The following DPP7 variants were observed in gnomAD, a reference collection of about 807,000 sequenced individuals.
DPP7 encodes dipeptidyl peptidase 2.
A neutral mutation model predicts 58.8 loss-of-function variants in DPP7; 74 were observed. The observed-to-expected ratio is 1.26, with a 90% confidence interval of 1.04 to 1.53. The LOEUF is 1.53. Among genes scored for constraint, DPP7 ranks in the 40% most tolerant of loss-of-function variants. The pLI is 0.00. For missense variants in DPP7, 807 were observed against 692.3 expected, an observed-to-expected ratio of 1.17 and a Z score of -1.86; for synonymous variants, 350 against 303.6, an observed-to-expected ratio of 1.15 and a Z score of -1.59.
chr9:137,114,624 G>T, intron 1 of DPP7, 23 bp downstream of exon 1: 1 of 1,403,006 alleles, frequency 7.1e-7, no homozygotes, highest in South Asian at 1.6e-5. Context: ...CCGGGGAATG[G>T]GCCGGGGGGC....
rs537713527 is a variant in DPP7, at chr9:137,114,267, C to T, written c.297G>A (p.Gly99=). Residue 99 remains glycine, a synonymous_variant, in exon 3 of 13, where the codon GGG becomes GGA. Coordinates refer to ENST00000371579, the MANE Select transcript of DPP7 (RefSeq NM_013379.3). ...CGTGCTCCGCGAAGACCAGTAGAGC[C>T]CCCCGCTCGGCCGCCAGCTCCGCGA... ...AFVAELAAER[G]ALLVFAEHRY... is the part of the protein sequence containing the mutation. The T allele has an allele frequency of 5.6e-6, 9 of 1,600,314 alleles. No individual in the cohort carries two copies. In the East Asian group the frequency reaches 1.6e-4, roughly 28 times the overall value.
At position 137,113,037 on chromosome 9, in the gene DPP7, G is replaced by A; in HGVS notation, c.786C>T (p.Ala262=). 1 of 1,613,846 alleles carries A rather than the reference G, an allele frequency of 6.2e-7. No homozygotes were observed. Among genetic ancestry groups the A allele is most frequent in the East Asian group, 2.2e-5 (1 of 44,882 alleles). The change falls in exon 7 of 13, where the codon GCC becomes GCT. Residue 262 remains alanine (A), a synonymous_variant. Transcript: ENST00000371579. ...EKDLTQLFMF[A]RNAFTVLAMM... is the part of the protein sequence containing the mutation. Reference sequence around the variant, plus strand: ...TGGCCAGCACGGTGAAGGCATTCCGGGCGAACATGAAGAGCTGGGTCAGGT... The same window carrying A: ...TGGCCAGCACGGTGAAGGCATTCCGAGCGAACATGAAGAGCTGGGTCAGGT...
Position 137,114,265 on chromosome 9 carries a change from GC to G in DPP7, c.298del (p.Ala100LeufsTer30), listed in dbSNP as rs771882318. The G allele has an allele frequency of 1.3e-6, 2 of 1,599,188 alleles. No homozygotes were observed. The highest frequency in any genetic ancestry group is 1.7e-6 in the Non-Finnish European group (2 of 1,174,374). ...CACGTGCTCCGCGAAGACCAGTAGA[GC>G]CCCCCGCTCGGCCGCCAGCTCCGCG... ...FVAELAAERGALLVFAEHRYY... is the reference protein window; with the variant it reads ...FVAELAAERGXLLVFAEHRYY... On this transcript the variant is annotated frameshift_variant, in exon 3 of 13. Transcript: ENST00000371579. LOFTEE classifies it high-confidence loss of function.
chr9:137,112,849 C>T (rs755747267), intron 7 of DPP7, 44 bp from the exon 8 acceptor site: 1 of 1,603,050 alleles, frequency 6.2e-7, no homozygotes, highest in Non-Finnish European at 8.5e-7. Context: ...TCCCCTCCAC[C>T]AGCTCCGCCT....
At position 137,110,613 on chromosome 9, in the gene DPP7, C is replaced by T. The variant is rs370553153; in HGVS notation, c.*35G>A. On this transcript the variant is annotated 3_prime_UTR_variant, in exon 13 of 13. Transcript: ENST00000371579. ...CAGCTGCTTGAGTGAAGCCCCCACT[C>T]CATGAGGAGCCTTGAGACCCCTCCA... The T allele has an allele frequency of 2.1e-4, 338 of 1,597,084 alleles. 1 individual carries two copies. The highest frequency in any genetic ancestry group is 2.7e-4 in the Non-Finnish European group (318 of 1,172,446).
chr9:137,118,240 A>G (rs1159157131), upstream of DPP7, among the ~76,000 whole-genome samples: 2 of 151,014 alleles, frequency 1.3e-5, no homozygotes, highest in Non-Finnish European at 2.9e-5. Flanking sequence ...TGTCAGCCTC[A>G]GCCTCCCAAA....
chr9:137,114,374 A>G lies in DPP7; in HGVS notation c.190T>C (p.Trp64Arg). The G allele has an allele frequency of 6.2e-7, 1 of 1,603,350 alleles. No homozygotes were observed. ...AAGATGGGCCCCTCGCCCCGGACCC[A>G]GAACCTGTCTGTGGGGAGGGCGGAT... Reference protein sequence around the residue: ...PQRFLVSDRFWVRGEGPIFFY... With the variant: ...PQRFLVSDRFRVRGEGPIFFY... Residue 64 changes from tryptophan (W) to arginine (R), a missense_variant, in exon 3 of 13, where the codon TGG becomes CGG. Coordinates refer to ENST00000371579, the MANE Select transcript of DPP7 (RefSeq NM_013379.3).
In DPP7 at chr9:137,113,761, C is replaced by A; in HGVS notation, c.485+104G>T. 1 of 1,379,140 alleles carries A rather than the reference C, an allele frequency of 7.3e-7. No homozygotes were observed. The highest frequency in any genetic ancestry group is 9.4e-7 in the Non-Finnish European group (1 of 1,064,096). 85.4% of individuals were successfully genotyped at this position (1,379,140 alleles called of 1,614,324 possible). On this transcript the variant is annotated intron_variant, in intron 4 of 12. Coordinates refer to ENST00000371579, the MANE Select transcript of DPP7 (RefSeq NM_013379.3). ...CCTGGAACCACTGCCTGAGGCCTTA[C>A]GAAAAGGCAGCGGTGGGAGTCAGAG...
intron 7 of DPP7, 55 bp downstream of exon 7, chr9:137,112,898 A>G (rs903870431): frequency 1.1e-5 from 17 of 1,607,686 alleles, no homozygotes; most frequent in Middle Eastern, 3.3e-4. Flanking sequence ...GCTGACCACC[A>G]GCCTCGGGAC....
In DPP7 at chr9:137,113,507, GAC is replaced by G; in HGVS notation, c.486-13_486-12del. 1 of 1,547,924 alleles carries G rather than the reference GAC, an allele frequency of 6.5e-7. No homozygotes were observed. Among genetic ancestry groups the G allele is most frequent in the Non-Finnish European group, 8.7e-7 (1 of 1,146,320 alleles). On this transcript the variant is annotated splice_polypyrimidine_tract_variant and intron_variant, in intron 4 of 12. Transcript: ENST00000371579. ...AGCATCCCCCCATAACTGGGTGAGG[GAC>G]ACAGGGTTAGGGCTGCTGCCCCCAA...
chr9:137,116,486 T>C (rs546501922), upstream of DPP7, among the ~76,000 whole-genome samples: 11 of 152,392 alleles, frequency 7.2e-5, no homozygotes, highest in East Asian at 3.9e-4. Context: ...GCAGGCAGTA[T>C]GCTTGGTAAA....
chr9:137,114,926 C>G (rs950295393), upstream of DPP7: 3 of 341,998 alleles, frequency 8.8e-6, no homozygotes, highest in East Asian at 1.3e-4. Context: ...AAGCAGAGGG[C>G]CCCCGGGCCA....
rs1167039477 is a variant in DPP7 at position 137,114,502 on chromosome 9, A to C, written c.142T>G (p.Phe48Val). Residue 48 changes from phenylalanine to valine, a missense_variant, in exon 2 of 13, where the codon TTC (phenylalanine) becomes GTC (valine). Physicochemically the swap from Phe to Val is conservative, Grantham distance 50. This residue lies in a region of DPP7 where 168 missense variants were observed against 124.1 expected (regional missense o/e 1.35). Coordinates refer to ENST00000371579, the MANE Select transcript of DPP7 (RefSeq NM_013379.3). ...QRLDHFNFER[F>V]GNKTFPQRFL... ...CGCTGAGGGAAGGTCTTGTTGCCGA[A>C]GCGCTCGAAGTTGAAGTGGTCCAGA... The C allele has an allele frequency of 1.3e-6, 2 of 1,584,688 alleles. No individual in the cohort carries two copies. The highest frequency in any genetic ancestry group is 1.7e-6 in the Non-Finnish European group (2 of 1,166,352).
intron 4 of DPP7, 147 bp from the exon 5 acceptor site, chr9:137,113,643 A>G: frequency 1.4e-6 from 2 of 1,428,554 alleles, no homozygotes; most frequent in Non-Finnish European, 1.8e-6. Flanking sequence ...TGCAGCTCTC[A>G]CTGGGAAAGG....
chr9:137,115,885 G>T (rs1268714956), upstream of DPP7, among the ~76,000 whole-genome samples: 2 of 152,158 alleles, frequency 1.3e-5, no homozygotes, highest in African/African-American at 4.8e-5. Flanking sequence ...CGCAGGACGG[G>T]GGTGAGGACA....
chr9:137,112,604 C>T (rs968533320), intron 8 of DPP7, 141 bp downstream of exon 8: 23 of 1,021,644 alleles, frequency 2.3e-5, no homozygotes, highest in African/African-American at 6.4e-5. Flanking sequence ...CTGGGAAGGT[C>T]GTGCTGTCCA....
At chr9:137,117,681 C>T (rs1401104484), upstream of DPP7, among the ~76,000 whole-genome samples, 4 of 152,332 alleles carry the variant, frequency 2.6e-5, no homozygotes, top group East Asian at 3.9e-4. Context: ...GAAAGGCTAT[C>T]GGCGGGCGGC....
upstream of DPP7, among the ~76,000 whole-genome samples, chr9:137,115,946 A>C (rs1459272420): frequency 6.6e-6 from 1 of 152,138 alleles, no homozygotes; most frequent in Non-Finnish European, 1.5e-5. Flanking sequence ...CCCCCACCCC[A>C]CACCTCTGCT....
chr9:137,114,360 C>T lies in DPP7; in HGVS notation c.204G>A (p.Glu68=), dbSNP rs1351463278. The change falls in exon 3 of 13, where the codon GAG becomes GAA. Residue 68 remains glutamate, a synonymous_variant. Transcript: ENST00000371579. ...LVSDRFWVRG[E]GPIFFYTGNE... is the part of the protein sequence containing the mutation. The stretch of plus-strand genomic sequence containing the variant: ...TCCCAGTGTAGAAGAAGATGGGCCC[C>T]TCGCCCCGGACCCAGAACCTGTCTG... 6.2e-7 allele frequency: 1 copy of T among 1,604,860 alleles called. No homozygotes were observed. The highest frequency in any genetic ancestry group is 8.5e-7 in the Non-Finnish European group (1 of 1,176,706).
Sources: allele counts gnomAD v4.1 joint callset (sites outside exome capture counted in the v4.1 genomes callset), GRCh38; gene constraint gnomAD v4.1.1; regional missense constraint gnomAD v4.1.1; transcripts MANE v1.5; gene names NCBI Gene and HGNC (gene_info 2026-07-23, HGNC 2026-07-21).